The following PPP1R16B variants were observed in gnomAD, a reference collection of about 807,000 sequenced individuals.
The protein encoded by PPP1R16B is protein phosphatase 1 regulatory inhibitor subunit 16B.
In PPP1R16B, 14 loss-of-function variants were observed where a neutral mutation model predicts 61.7. That is an observed-to-expected ratio of 0.23 (90% CI 0.15 to 0.35). PPP1R16B has a LOEUF of 0.35. PPP1R16B is among the 10% of genes least tolerant of loss of function. The probability of loss-of-function intolerance (pLI) is 1.00; values close to 1 mark genes in which losing one functional copy is unlikely to be tolerated. For missense variants in PPP1R16B, 547 were observed against 752.5 expected (o/e 0.73, Z 3.19); for synonymous variants, 266 against 305.3 (o/e 0.87, Z 1.34).
At chr20:38,895,806 T>TTCC (rs1228034965) in intron 4 of PPP1R16B, 96 bp downstream of exon 4, 46 of 1,182,526 alleles carry the variant, frequency 3.9e-5, no homozygotes, top group South Asian at 3.0e-4. Flanking sequence ...TCCTTCTTTC[T>TTCC]CTCCTCCCTT....
chr20:38,851,342 G>A (rs947305357), intron 2 of PPP1R16B, among the ~76,000 whole-genome samples: 4 of 151,858 alleles, frequency 2.6e-5, no homozygotes, highest in Admixed American at 2.0e-4. Flanking sequence ...GTGCATGCCT[G>A]TAATCCCAGC....
intron 2 of PPP1R16B, among the ~76,000 whole-genome samples, chr20:38,875,990 TGAG>T (rs2085163257): frequency 7.0e-6 from 1 of 143,810 alleles, no homozygotes; most frequent in African/African-American, 2.8e-5. Context: ...TTTTTTTTTT[TGAG>T]ATGGAGTTTC....
At chr20:38,889,786 G>A (rs774209426) in intron 3 of PPP1R16B, 121 bp downstream of exon 3, 15 of 1,000,970 alleles carry the variant, frequency 1.5e-5, no homozygotes, top group Non-Finnish European at 2.2e-5. Context: ...GGGAGGAGGA[G>A]CTGCAGCTGG....
chr20:38,908,538 C>T (rs2085464989), intron 10 of PPP1R16B, among the ~76,000 whole-genome samples: 1 of 152,214 alleles, frequency 6.6e-6, no homozygotes, highest in African/African-American at 2.4e-5. Context: ...AAGGAGAGAG[C>T]TTCAGTAGGG....
rs2085211514 is a variant in PPP1R16B at position 38,882,686 on chromosome 20, G to T, written c.251-6909G>T. Reference sequence around the variant, plus strand: ...AGTAGCTCCATGGGTAACAAAGTAAGTGCTGCTGTAAAGGACAAAAGCAGA... The same window carrying T: ...AGTAGCTCCATGGGTAACAAAGTAATTGCTGCTGTAAAGGACAAAAGCAGA... On this transcript the variant is annotated intron_variant, in intron 2 of 10. Transcript: ENST00000299824. Among the ~76,000 whole-genome samples, 5 of 152,328 alleles carry T rather than the reference G, an allele frequency of 3.3e-5. No individual in the cohort carries two copies. In the South Asian group the frequency reaches 1.0e-3, roughly 32 times the overall value.
intron 2 of PPP1R16B, among the ~76,000 whole-genome samples, chr20:38,842,420 TTC>T (rs2084914123): frequency 6.6e-6 from 1 of 152,206 alleles, no homozygotes; most frequent in Middle Eastern, 3.2e-3. Flanking sequence ...TGTTAGAGAC[TTC>T]TGTTTTTCTC....
intron 4 of PPP1R16B, among the ~76,000 whole-genome samples, chr20:38,896,117 TTCTTTC>T (rs2085344347): frequency 9.4e-6 from 1 of 105,878 alleles, no homozygotes; most frequent in African/African-American, 4.0e-5. Context: ...CCTCCCTTCC[TTCTTTC>T]TTCCCTTCCT....
chr20:38,816,534 C>T (rs1159162930), intron 1 of PPP1R16B, among the ~76,000 whole-genome samples: 3 of 152,158 alleles, frequency 2.0e-5, no homozygotes, highest in Non-Finnish European at 2.9e-5. Context: ...AAGAATAGGT[C>T]CATGTAGAAA....
intron 2 of PPP1R16B, among the ~76,000 whole-genome samples, chr20:38,861,964 C>T (rs1301328729): frequency 1.3e-5 from 2 of 152,162 alleles, no homozygotes; most frequent in Admixed American, 6.5e-5. Flanking sequence ...CGTGAGCCAC[C>T]GTGCCTGGCC....
intron 2 of PPP1R16B, among the ~76,000 whole-genome samples, chr20:38,881,090 CG>C (rs1804788306): frequency 6.6e-6 from 1 of 152,142 alleles, no homozygotes; most frequent in African/African-American, 2.4e-5. Context: ...GAGGGAAGCC[CG>C]TGTCTTTCTG....
At chr20:38,830,274 G>T (rs2084828816) in intron 1 of PPP1R16B, among the ~76,000 whole-genome samples, 1 of 152,202 alleles carries the variant, frequency 6.6e-6, no homozygotes, top group African/African-American at 2.4e-5. Context: ...CACAGGCCTG[G>T]CATGTGGTAG....
chr20:38,914,044 G>A (rs911955084), intron 10 of PPP1R16B, among the ~76,000 whole-genome samples: 2 of 152,078 alleles, frequency 1.3e-5, no homozygotes, highest in African/African-American at 2.4e-5. Flanking sequence ...ATAGCCAGGC[G>A]TGGTGGCAGG....
intron 1 of PPP1R16B, among the ~76,000 whole-genome samples, chr20:38,818,560 C>T (rs576739366): frequency 1.1e-4 from 17 of 152,240 alleles, no homozygotes; most frequent in African/African-American, 2.9e-4. Context: ...ACTCCACCAG[C>T]GTTGTGGATG....
At chr20:38,889,066 T>G (rs1042015740) in intron 2 of PPP1R16B, among the ~76,000 whole-genome samples, 17 of 151,972 alleles carry the variant, frequency 1.1e-4, no homozygotes, top group African/African-American at 4.1e-4. Flanking sequence ...ACAGTTTTAG[T>G]AAAAATCATC....
intron 1 of PPP1R16B, among the ~76,000 whole-genome samples, chr20:38,813,976 T>C (rs2084718926): frequency 6.6e-6 from 1 of 151,878 alleles, no homozygotes; most frequent in Non-Finnish European, 1.5e-5. Flanking sequence ...TTTGTATTTT[T>C]AGTAGAGAAG....
At chr20:38,810,257 A>T (rs1034893453) in intron 1 of PPP1R16B, among the ~76,000 whole-genome samples, 1 of 152,210 alleles carries the variant, frequency 6.6e-6, no homozygotes, top group Non-Finnish European at 1.5e-5. Flanking sequence ...GGAGTTGCTG[A>T]TGGAGCAGAG....
chr20:38,871,907 A>T (rs1032965901), intron 2 of PPP1R16B, among the ~76,000 whole-genome samples: 14 of 152,232 alleles, frequency 9.2e-5, no homozygotes, highest in Non-Finnish European at 1.6e-4. Context: ...CAGGCAAGGA[A>T]CAGGTGAAAT....
intron 10 of PPP1R16B, among the ~76,000 whole-genome samples, chr20:38,910,978 A>G (rs763729375): frequency 3.2e-4 from 48 of 151,782 alleles, no homozygotes; most frequent in South Asian, 1.9e-3. Flanking sequence ...CTGGGGACAG[A>G]GCGAGACTCC....
chr20:38,841,769 C>A (rs1419081616), intron 2 of PPP1R16B, among the ~76,000 whole-genome samples: 1 of 152,194 alleles, frequency 6.6e-6, no homozygotes, highest in Non-Finnish European at 1.5e-5. Flanking sequence ...GGGCTTCATT[C>A]CTTTTCATTG....
Sources: gnomAD v4.1 joint callset for allele counts (sites outside exome capture counted in the v4.1 genomes callset) on GRCh38, gnomAD v4.1.1 for gene constraint, MANE v1.5 for transcripts, NCBI Gene and HGNC (gene_info 2026-07-23, HGNC 2026-07-21) for gene names.